Variants in RBM26 observed in about 807,000 individuals in gnomAD.
RBM26 encodes RNA binding motif protein 26, also known as RNA-binding protein 26.
A neutral mutation model predicts 123.6 loss-of-function variants in RBM26; 30 were observed. The observed-to-expected ratio is 0.24, with a 90% CI of 0.18 to 0.33. The LOEUF (loss-of-function observed/expected upper bound fraction) is 0.33. Among genes scored for constraint, RBM26 ranks in the 10% least tolerant of loss-of-function variants. RBM26 has a pLI of 1.00. For missense variants in RBM26, 947 were observed against 1,203.6 expected, an observed-to-expected ratio of 0.79 and a Z score of 3.15; for synonymous variants, 400 against 404.4, an observed-to-expected ratio of 0.99 and a Z score of 0.13.
chr13:79,390,740 G>C (rs771793346), intron 1 of RBM26, among the ~76,000 whole-genome samples: 4 of 151,956 alleles, frequency 2.6e-5, no homozygotes, highest in African/African-American at 9.7e-5. Context: ...CTCAATGACG[G>C]GTATGTCACT....
At chr13:79,321,975 A>G (rs1250761763) in intron 21 of RBM26, among the ~76,000 whole-genome samples, 1 of 151,424 alleles carries the variant, frequency 6.6e-6, no homozygotes, top group African/African-American at 2.4e-5. Context: ...CATTCTAATG[A>G]CTAAAATGAT....
chr13:79,313,515 G>GC (rs2066960627), exon 5 of RBM26: 1 of 151,710 alleles, frequency 6.6e-6, no homozygotes, highest in South Asian at 2.1e-4. Flanking sequence ...CTTTACCCTA[G>GC]CAGTAAACCA....
At position 79,355,519 on chromosome 13, in the gene RBM26, T is replaced by G. The variant is rs182754734; in HGVS notation, c.1690-135A>C. On this transcript the variant is annotated intron_variant, in intron 11 of 21. Transcript: ENST00000438737. ...TTATACTTCTTGGTATCTGGATTAGTAGACCACAGTCTACTTTTACTCCAG... is the reference window on the plus strand; with the variant it reads ...TTATACTTCTTGGTATCTGGATTAGGAGACCACAGTCTACTTTTACTCCAG... 98 of 639,550 alleles carry G rather than the reference T, an allele frequency of 1.5e-4. No individual in the cohort carries two copies. In the East Asian group the frequency reaches 2.7e-3, roughly 17 times the overall value. 39.6% of individuals were successfully genotyped at this position (639,550 alleles called of 1,614,324 possible).
intron 19 of RBM26, among the ~76,000 whole-genome samples, chr13:79,334,922 A>C (rs879795227): frequency 3.9e-5 from 6 of 152,150 alleles, no homozygotes; most frequent in Non-Finnish European, 8.8e-5. Context: ...TCTTGATTCA[A>C]AAGTTTAACA....
chr13:79,404,467 A>T (rs930988723), intron 1 of RBM26, among the ~76,000 whole-genome samples: 1 of 152,146 alleles, frequency 6.6e-6, no homozygotes, highest in Non-Finnish European at 1.5e-5. Context: ...AACAAAATTA[A>T]ATCAGTCCTT....
intron 14 of RBM26, among the ~76,000 whole-genome samples, chr13:79,347,893 T>C (rs1319772363): frequency 6.6e-6 from 1 of 152,126 alleles, no homozygotes; most frequent in Non-Finnish European, 1.5e-5. Flanking sequence ...TTGAATATTA[T>C]GTTAGCTGTA....
intron 4 of RBM26, among the ~76,000 whole-genome samples, chr13:79,371,630 C>CTA (rs938713479): frequency 2.3e-4 from 35 of 151,850 alleles, no homozygotes; most frequent in Admixed American, 1.8e-3. Context: ...AGATAAGCAG[C>CTA]TAATATATGT....
intron 11 of RBM26, among the ~76,000 whole-genome samples, chr13:79,356,612 T>C (rs189113382): frequency 3.5e-4 from 53 of 152,288 alleles, no homozygotes; most frequent in African/African-American, 1.2e-3. Flanking sequence ...ATTATAACTA[T>C]AAAGATAATT....
At chr13:79,323,385 C>G (rs2067932566) in intron 20 of RBM26, among the ~76,000 whole-genome samples, 1 of 151,504 alleles carries the variant, frequency 6.6e-6, no homozygotes, top group Non-Finnish European at 1.5e-5. Flanking sequence ...TAAACCTGCA[C>G]ATATAAATTT....
At chr13:79,337,788 C>A (rs549710289) in intron 18 of RBM26, among the ~76,000 whole-genome samples, 1 of 116,280 alleles carries the variant, frequency 8.6e-6, no homozygotes, top group South Asian at 2.9e-4. Flanking sequence ...TGATGTAACA[C>A]ACTGATATTC....
chr13:79,367,529 T>C (rs996561570), intron 6 of RBM26, among the ~76,000 whole-genome samples: 1 of 151,256 alleles, frequency 6.6e-6, no homozygotes, highest in African/African-American at 2.4e-5. Flanking sequence ...CCTTCATGAA[T>C]AGCTTGGTGC....
chr13:79,361,900 G>A (rs1043551745), intron 9 of RBM26, among the ~76,000 whole-genome samples: 1 of 152,130 alleles, frequency 6.6e-6, no homozygotes, highest in South Asian at 2.1e-4. Context: ...GGGATGGGGA[G>A]AGGAAGATTT....
Position 79,366,043 on chromosome 13 carries a change from C to G in RBM26, c.1276+12G>C. The G allele has an allele frequency of 6.2e-7, 1 of 1,612,222 alleles. No homozygotes were observed. Among genetic ancestry groups the G allele is most frequent in the Non-Finnish European group, 8.5e-7 (1 of 1,179,032 alleles). On this transcript the variant is annotated intron_variant, in intron 8 of 21. Coordinates refer to ENST00000438737, the MANE Select transcript of RBM26 (RefSeq NM_001366735.2). ...TGTTACATTACGAATATAAAAAGGG[C>G]CAAAACTGCACCTGCAGTAAAAAGA...
At position 79,405,805 on chromosome 13, in the gene RBM26, T is replaced by TCCGC. The variant is rs1566629141; in HGVS notation, c.-35_-32dup. 5 of 1,434,752 alleles carry TCCGC rather than the reference T, an allele frequency of 3.5e-6. No homozygotes were observed. Among genetic ancestry groups the TCCGC allele is most frequent in the Non-Finnish European group, 2.8e-6 (3 of 1,064,134 alleles). 88.9% of individuals were successfully genotyped at this position (1,434,752 alleles called of 1,614,324 possible). A position where few individuals can be genotyped will look rare whatever the true frequency, so the allele number is the denominator to read the frequency against. On this transcript the variant is annotated 5_prime_UTR_variant, in exon 1 of 22. Transcript: ENST00000438737. ...GCGGCCCTAAGGCCCGTCACACTCC[T>TCCGC]CCGCCCGCCCAGGTCGCGGCCGCTA...
intron 9 of RBM26, among the ~76,000 whole-genome samples, chr13:79,362,585 G>A (rs867145779): frequency 6.6e-6 from 1 of 152,078 alleles, no homozygotes; most frequent in African/African-American, 2.4e-5. Context: ...TAGCACGTGC[G>A]ATGTTTCTCT....
chr13:79,342,073 C>T (rs1040629575), intron 17 of RBM26, among the ~76,000 whole-genome samples: 1 of 151,568 alleles, frequency 6.6e-6, no homozygotes, highest in Non-Finnish European at 1.5e-5. Context: ...ATTAGTGGAA[C>T]GAAGTTGTCA....
chr13:79,366,491 C>A, intron 7 of RBM26, 142 bp downstream of exon 7: 1 of 880,872 alleles, frequency 1.1e-6, no homozygotes, highest in Non-Finnish European at 1.7e-6. Context: ...GAGGTGTATT[C>A]CAAATGGAAG....
At chr13:79,314,841 G>A (rs1039893222), downstream of RBM26, 1 of 471,702 alleles carries the variant, frequency 2.1e-6, no homozygotes, top group South Asian at 2.0e-5. Context: ...GAGATAAAAT[G>A]CTAATTATAG....
At chr13:79,391,429 T>A (rs1488193941) in intron 1 of RBM26, among the ~76,000 whole-genome samples, 1 of 152,176 alleles carries the variant, frequency 6.6e-6, no homozygotes, top group African/African-American at 2.4e-5. Flanking sequence ...TTTCTTTTTG[T>A]GTGTGTGTTT....
Sources: allele counts gnomAD v4.1 joint callset (sites outside exome capture counted in the v4.1 genomes callset), GRCh38; gene constraint gnomAD v4.1.1; transcripts MANE v1.5; gene names NCBI Gene and HGNC (gene_info 2026-07-23, HGNC 2026-07-21).